The following CDH11 variants were observed in gnomAD, a reference collection of about 807,000 sequenced individuals.
The protein encoded by CDH11 is cadherin-11.
A neutral mutation model predicts 67.8 loss-of-function variants in CDH11; 11 were observed. The ratio of observed to expected loss-of-function variants is 0.16; its 90% CI spans 0.10 to 0.27. The LOEUF (loss-of-function observed/expected upper bound fraction) is 0.27. Among genes scored for constraint, CDH11 ranks in the 10% least tolerant of loss-of-function variants. The pLI is 1.00. For synonymous variants in CDH11, 419 were observed against 400.0 expected, an observed-to-expected ratio of 1.05 and a Z score of -0.57; for missense variants, 847 against 1,031.2, an observed-to-expected ratio of 0.82 and a Z score of 2.45.
At chr16:64,970,926 C>A (rs2071986432) in intron 11 of CDH11, among the ~76,000 whole-genome samples, 2 of 152,250 alleles carry the variant, frequency 1.3e-5, no homozygotes, top group Admixed American at 1.3e-4. Context: ...GGCTCTGCTA[C>A]CAACTTTATC....
At chr16:65,107,541 G>A (rs2075085195) in intron 1 of CDH11, among the ~76,000 whole-genome samples, 1 of 152,084 alleles carries the variant, frequency 6.6e-6, no homozygotes, top group Admixed American at 6.5e-5. Context: ...CTTTCAATGT[G>A]GTCCAGAAAT....
intron 2 of CDH11, among the ~76,000 whole-genome samples, chr16:65,046,834 G>A (rs946252507): frequency 4.6e-5 from 7 of 152,112 alleles, no homozygotes; most frequent in East Asian, 1.9e-4. Flanking sequence ...GTGGCTGGGC[G>A]CGGTGACTCA....
intron 1 of CDH11, among the ~76,000 whole-genome samples, chr16:65,100,217 G>C (rs1312200142): frequency 6.6e-6 from 1 of 152,202 alleles, no homozygotes; most frequent in Middle Eastern, 3.4e-3. Context: ...TCATATTTAA[G>C]AGTTTGCTAA....
intron 2 of CDH11, among the ~76,000 whole-genome samples, chr16:65,035,801 T>A (rs1020974216): frequency 3.3e-5 from 5 of 152,170 alleles, no homozygotes; most frequent in African/African-American, 4.8e-5. Flanking sequence ...TCATACCTAG[T>A]CTTTAGTATT....
At chr16:64,970,500 G>A (rs1211623663) in intron 11 of CDH11, among the ~76,000 whole-genome samples, 4 of 152,120 alleles carry the variant, frequency 2.6e-5, no homozygotes, top group African/African-American at 9.7e-5. Context: ...TGTGGAATAG[G>A]GGTGACAATA....
intron 3 of CDH11, among the ~76,000 whole-genome samples, 184 bp from the exon 4 acceptor site, chr16:64,999,040 A>G (rs2072847296): frequency 6.6e-6 from 1 of 152,194 alleles, no homozygotes; most frequent in Admixed American, 6.5e-5. Context: ...CCAAGGTCAC[A>G]CTGCAGAACA....
Position 65,121,080 on chromosome 16 carries a change from T to C in CDH11, c.-298+800A>G, listed in dbSNP as rs980204681. 1.3e-5 allele frequency among the ~76,000 whole-genome samples: 2 copies of C among 151,500 alleles called. No homozygotes were observed. The highest frequency in any genetic ancestry group is 1.3e-4 in the Admixed American group (2 of 15,222). On this transcript the variant is annotated intron_variant, in intron 1 of 12. Coordinates refer to ENST00000268603, the MANE Select transcript of CDH11 (RefSeq NM_001797.4). This position sits in a 1 kb window ranked among gnomAD's most constrained non-coding sequence, Gnocchi z 4.1. ...AGAAGCGGCGCAGGTTTCGGGAAGG[T>C]GTGGTTCTCAAAGTTAACGTTGACC...
intron 2 of CDH11, among the ~76,000 whole-genome samples, chr16:65,046,426 C>T (rs1194397177): frequency 6.6e-6 from 1 of 152,136 alleles, no homozygotes; most frequent in Admixed American, 6.5e-5. Context: ...CCATCTCCAT[C>T]CTAGGGATGG....
At chr16:65,096,486 CAT>C (rs1455920171) in intron 1 of CDH11, among the ~76,000 whole-genome samples, 2 of 125,156 alleles carry the variant, frequency 1.6e-5, no homozygotes, top group African/African-American at 3.1e-5. Context: ...CCTATTTGTA[CAT>C]ATATGTTTAT....
rs2071182874 is a variant in CDH11, at chr16:64,945,612, A to G, written c.*1991T>C. The G allele has an allele frequency of 9.7e-7, 1 of 1,034,668 alleles. No homozygotes were observed. Among genetic ancestry groups the G allele is most frequent in the African/African-American group, 1.7e-5 (1 of 59,506 alleles). The allele number at this position is 1,034,668 out of a possible 1,614,324, so 64.1% of individuals were successfully genotyped here. On this transcript the variant is annotated 3_prime_UTR_variant, in exon 13 of 13. Coordinates refer to ENST00000268603, the MANE Select transcript of CDH11 (RefSeq NM_001797.4). ...AAAAAAATGAACACAACCTGCAATT[A>G]TGGAAGTATTGAGAATGTGTAATCC...
At chr16:64,949,129 T>C (rs531248896) in intron 12 of CDH11, among the ~76,000 whole-genome samples, 24 of 152,310 alleles carry the variant, frequency 1.6e-4, no homozygotes, top group Admixed American at 4.6e-4. Flanking sequence ...TCTTTCATCA[T>C]GGATACACTT....
At chr16:65,093,550 A>T (rs2074831392) in intron 1 of CDH11, among the ~76,000 whole-genome samples, 1 of 152,056 alleles carries the variant, frequency 6.6e-6, no homozygotes, top group Non-Finnish European at 1.5e-5. Flanking sequence ...TTATTTTTCG[A>T]CATGAATTTT....
At position 65,046,860 on chromosome 16, in the gene CDH11, C is replaced by A. The variant is rs558065771; in HGVS notation, c.-173+6944G>T. 1.1e-4 allele frequency among the ~76,000 whole-genome samples: 17 copies of A among 152,250 alleles called. No homozygotes were observed. In the South Asian group the frequency reaches 3.3e-3, roughly 30 times the overall value. ...CGGTGACTCAGGCTTGTAATTCCAG[C>A]ACTTTGGGAGGCCGAGGCGGGCAGA... On this transcript the variant is annotated intron_variant, in intron 2 of 12. Transcript: ENST00000268603.
At chr16:65,047,302 A>G (rs2073978039) in intron 2 of CDH11, among the ~76,000 whole-genome samples, 1 of 152,078 alleles carries the variant, frequency 6.6e-6, no homozygotes. Flanking sequence ...GGAATTGAAG[A>G]AGACTTAATT....
intron 11 of CDH11, among the ~76,000 whole-genome samples, chr16:64,961,479 T>A (rs1369524083): frequency 6.6e-6 from 1 of 152,146 alleles, no homozygotes; most frequent in Non-Finnish European, 1.5e-5. Flanking sequence ...CCGGGATGCA[T>A]TCCAATTTTG....
chr16:64,958,053 T>C (rs983774542), intron 11 of CDH11, among the ~76,000 whole-genome samples: 2 of 152,206 alleles, frequency 1.3e-5, no homozygotes, highest in Non-Finnish European at 2.9e-5. Flanking sequence ...CTGTACACAT[T>C]ACTGCATAGT....
At chr16:65,044,866 T>C (rs1178081430) in intron 2 of CDH11, among the ~76,000 whole-genome samples, 1 of 152,010 alleles carries the variant, frequency 6.6e-6, no homozygotes, top group Non-Finnish European at 1.5e-5. Flanking sequence ...CTGAAGCAAC[T>C]TGATACAATT....
At chr16:65,031,822 T>C (rs2073649207) in intron 2 of CDH11, among the ~76,000 whole-genome samples, 1 of 152,092 alleles carries the variant, frequency 6.6e-6, no homozygotes, top group Non-Finnish European at 1.5e-5. Flanking sequence ...CATACAAAGA[T>C]GGAAAATCAG....
Position 64,972,917 on chromosome 16 carries a change from A to G in CDH11, c.1377T>C (p.Phe459=). Residue 459 remains phenylalanine (F), a synonymous_variant, in exon 9 of 13, where the codon TTT becomes TTC. Transcript: ENST00000268603. ...EETAWLNITV[F]AAEIHNRHQE... Reference sequence around the variant, plus strand: ...GAGAATACTTACGGATTTCTGCTGCAAAGACAGTGATGTTGAGCCAGGCTG... The same window carrying G: ...GAGAATACTTACGGATTTCTGCTGCGAAGACAGTGATGTTGAGCCAGGCTG... The G allele has an allele frequency of 6.2e-7, 1 of 1,613,968 alleles. No individual in the cohort carries two copies. The highest frequency in any genetic ancestry group is 8.5e-7 in the Non-Finnish European group (1 of 1,179,902).
Sources: gnomAD v4.1 joint callset for allele counts (sites outside exome capture counted in the v4.1 genomes callset) on GRCh38, gnomAD v4.1.1 for gene constraint, Gnocchi (gnomAD v3.1) non-coding constraint, MANE v1.5 for transcripts, NCBI Gene and HGNC (gene_info 2026-07-23, HGNC 2026-07-21) for gene names.